The following TRPC7 variants were observed in gnomAD, a reference collection of about 807,000 sequenced individuals.
TRPC7 encodes the protein transient receptor potential cation channel subfamily C member 7.
Under a neutral mutation model 90.1 loss-of-function variants are expected in TRPC7, and 42 were observed. The observed-to-expected ratio is 0.47, with a 90% CI of 0.36 to 0.60. The LOEUF is 0.60. Among genes scored for constraint, TRPC7 ranks in the 20% least tolerant of loss-of-function variants. TRPC7 has a pLI of 0.00. For synonymous variants in TRPC7, 451 were observed against 436.3 expected (o/e 1.03, Z -0.42); for missense variants, 955 against 1,112.3 (o/e 0.86, Z 2.01).
At chr5:136,309,668 C>G (rs906074876) in intron 3 of TRPC7, among the ~76,000 whole-genome samples, 3 of 152,164 alleles carry the variant, frequency 2.0e-5, no homozygotes, top group African/African-American at 7.2e-5. Flanking sequence ...TTCCCAAAGC[C>G]GAGTGACCCT....
At chr5:136,287,489 G>A (rs2149822082) in intron 3 of TRPC7, among the ~76,000 whole-genome samples, 1 of 151,974 alleles carries the variant, frequency 6.6e-6, no homozygotes, top group East Asian at 1.9e-4. Context: ...CCCAAATGCA[G>A]ATCATTCCAT....
intron 3 of TRPC7, among the ~76,000 whole-genome samples, chr5:136,307,587 G>A (rs1404466897): frequency 6.6e-6 from 1 of 152,222 alleles, no homozygotes; most frequent in Non-Finnish European, 1.5e-5. Context: ...ACAGCCAAGA[G>A]GTTCTCAACA....
intron 8 of TRPC7, among the ~76,000 whole-genome samples, chr5:136,230,636 A>T (rs1755787788): frequency 6.6e-6 from 1 of 152,204 alleles, no homozygotes; most frequent in African/African-American, 2.4e-5. Context: ...ATTAATGCTC[A>T]GTTTGTTTTT....
chr5:136,321,105 C>T (rs1262155625), intron 2 of TRPC7, among the ~76,000 whole-genome samples: 2 of 152,096 alleles, frequency 1.3e-5, no homozygotes, highest in African/African-American at 4.8e-5. Context: ...GTGAACTTCC[C>T]TAAGTTGACA....
At chr5:136,267,550 A>G (rs1379181536) in intron 4 of TRPC7, among the ~76,000 whole-genome samples, 1 of 152,224 alleles carries the variant, frequency 6.6e-6, no homozygotes, top group Admixed American at 6.5e-5. Context: ...CAGAAGATCA[A>G]TTACAGGGCC....
chr5:136,283,107 C>A (rs1185367444), intron 3 of TRPC7, among the ~76,000 whole-genome samples: 1 of 152,242 alleles, frequency 6.6e-6, no homozygotes, highest in African/African-American at 2.4e-5. Context: ...GTTGCTGGGA[C>A]ACATGCTGTG....
intron 5 of TRPC7, among the ~76,000 whole-genome samples, chr5:136,252,329 T>C (rs1756551119): frequency 6.7e-6 from 1 of 149,750 alleles, no homozygotes; most frequent in South Asian, 2.1e-4. Flanking sequence ...GAACTATGGT[T>C]TTTTTTGGAC....
intron 8 of TRPC7, 88 bp from the exon 9 acceptor site, chr5:136,226,343 C>T: frequency 1.1e-6 from 1 of 948,876 alleles, no homozygotes; most frequent in Non-Finnish European, 1.6e-6. Flanking sequence ...ACAGCCCCAA[C>T]ATTCGGAAAG....
chr5:136,248,749 A>G (rs1288619809), intron 6 of TRPC7, among the ~76,000 whole-genome samples: 1 of 152,212 alleles, frequency 6.6e-6, no homozygotes, highest in African/African-American at 2.4e-5. Context: ...TCTGCTGCAG[A>G]GCAAACCTGC....
intron 7 of TRPC7, among the ~76,000 whole-genome samples, chr5:136,231,759 C>T (rs192280740): frequency 6.6e-6 from 1 of 152,132 alleles, no homozygotes; most frequent in Non-Finnish European, 1.5e-5. Flanking sequence ...TGTGCACCAC[C>T]GCACCTGGCT....
intron 2 of TRPC7, among the ~76,000 whole-genome samples, chr5:136,330,212 A>G (rs1195282338): frequency 6.6e-6 from 1 of 152,172 alleles, no homozygotes; most frequent in East Asian, 1.9e-4. Context: ...CTGTGCACCC[A>G]TTAGGATGTA....
chr5:136,304,347 C>T (rs1431161387), intron 3 of TRPC7, among the ~76,000 whole-genome samples: 2 of 152,240 alleles, frequency 1.3e-5, no homozygotes, highest in East Asian at 1.9e-4. Flanking sequence ...TGTTATCACT[C>T]GCCTGCTACA....
intron 3 of TRPC7, among the ~76,000 whole-genome samples, chr5:136,287,315 T>C (rs1174118676): frequency 6.6e-6 from 1 of 151,932 alleles, no homozygotes; most frequent in Admixed American, 6.6e-5. Context: ...GTTCTGAATA[T>C]CACATGCAGG....
At chr5:136,302,632 T>C (rs1758440785) in intron 3 of TRPC7, among the ~76,000 whole-genome samples, 1 of 152,104 alleles carries the variant, frequency 6.6e-6, no homozygotes, top group Non-Finnish European at 1.5e-5. Flanking sequence ...TCTTCAACTC[T>C]CACCTGACCT....
intron 2 of TRPC7, among the ~76,000 whole-genome samples, chr5:136,328,104 C>T (rs1229568777): frequency 6.6e-6 from 1 of 152,168 alleles, no homozygotes; most frequent in Non-Finnish European, 1.5e-5. Context: ...AAGGCAAGTA[C>T]CCTTTGGCAT....
At chr5:136,264,447 C>CT (rs1756957942) in intron 5 of TRPC7, among the ~76,000 whole-genome samples, 1 of 152,086 alleles carries the variant, frequency 6.6e-6, no homozygotes, top group Non-Finnish European at 1.5e-5. Flanking sequence ...TAAACAATGG[C>CT]GTATGTACTA....
intron 2 of TRPC7, among the ~76,000 whole-genome samples, chr5:136,344,007 AG>A (rs1173467711): frequency 2.0e-5 from 3 of 152,234 alleles, no homozygotes; most frequent in Non-Finnish European, 4.4e-5. Flanking sequence ...TGTTTACAGT[AG>A]CAAAGACAGA....
chr5:136,303,368 G>T (rs1178780116), intron 3 of TRPC7, among the ~76,000 whole-genome samples: 1 of 151,982 alleles, frequency 6.6e-6, no homozygotes. Flanking sequence ...TTAAATTCCG[G>T]CCCTCAAACC....
intron 2 of TRPC7, among the ~76,000 whole-genome samples, chr5:136,340,535 A>G (rs1481209647): frequency 6.6e-6 from 1 of 152,188 alleles, no homozygotes; most frequent in Non-Finnish European, 1.5e-5. Flanking sequence ...TACACATATG[A>G]AAACATCACA....
Sources: allele counts gnomAD v4.1 joint callset (sites outside exome capture counted in the v4.1 genomes callset), GRCh38; gene constraint gnomAD v4.1.1; transcripts MANE v1.5; gene names NCBI Gene and HGNC (gene_info 2026-07-23, HGNC 2026-07-21).